Variants in TXNDC16 observed in about 807,000 individuals in gnomAD.
The protein encoded by TXNDC16 is thioredoxin domain-containing protein 16.
TXNDC16 carries 74 observed loss-of-function variants against 85.6 expected under a neutral mutation model. That is an observed-to-expected ratio of 0.86 (90% CI 0.72 to 1.05). TXNDC16 has a LOEUF of 1.05. TXNDC16 is among the 50% of genes least tolerant of loss of function. The pLI is 0.00. For synonymous variants in TXNDC16, 335 were observed against 326.5 expected, an observed-to-expected ratio of 1.03 and a Z score of -0.28; for missense variants, 959 against 947.0, an observed-to-expected ratio of 1.01 and a Z score of -0.17.
chr14:52,531,112 AAAC>A (rs1218192322), intron 6 of TXNDC16, among the ~76,000 whole-genome samples: 1 of 152,144 alleles, frequency 6.6e-6, no homozygotes, highest in Non-Finnish European at 1.5e-5. Context: ...ATGCAAATTA[AAAC>A]AACAAAGAGA....
At chr14:52,513,173 T>C (rs78014025) in intron 8 of TXNDC16, among the ~76,000 whole-genome samples, 1 of 152,160 alleles carries the variant, frequency 6.6e-6, no homozygotes, top group Non-Finnish European at 1.5e-5. Context: ...TCTTAACAAA[T>C]AATTTCAAAC....
At chr14:52,546,280 AAAAC>A (rs575599783) in intron 1 of TXNDC16, among the ~76,000 whole-genome samples, 148 of 152,292 alleles carry the variant, frequency 9.7e-4, no homozygotes, top group East Asian at 9.6e-4. Context: ...GCCTAAAAAC[AAAAC>A]AAACAAACAA....
chr14:52,539,293 A>G (rs1174346902), intron 4 of TXNDC16, among the ~76,000 whole-genome samples: 1 of 152,256 alleles, frequency 6.6e-6, no homozygotes, highest in East Asian at 1.9e-4. Flanking sequence ...GCAGTAATGC[A>G]TAAAAGTATA....
chr14:52,468,255 T>C (rs2035821747), intron 16 of TXNDC16, among the ~76,000 whole-genome samples: 1 of 152,166 alleles, frequency 6.6e-6, no homozygotes, highest in Admixed American at 6.5e-5. Context: ...GTTATGTGTA[T>C]GTTATCAAAA....
At chr14:52,460,520 T>C (rs2035628493) in intron 16 of TXNDC16, among the ~76,000 whole-genome samples, 1 of 152,220 alleles carries the variant, frequency 6.6e-6, no homozygotes, top group South Asian at 2.1e-4. Context: ...CTGTTCATTA[T>C]CTCTCTTTTG....
intron 16 of TXNDC16, among the ~76,000 whole-genome samples, chr14:52,459,191 T>G (rs1340512167): frequency 6.6e-6 from 1 of 152,178 alleles, no homozygotes; most frequent in Non-Finnish European, 1.5e-5. Flanking sequence ...TATTGAATAA[T>G]TATTTTTATA....
intron 14 of TXNDC16, among the ~76,000 whole-genome samples, chr14:52,473,273 G>A (rs999764733): frequency 1.3e-5 from 2 of 151,996 alleles, no homozygotes; most frequent in Non-Finnish European, 2.9e-5. Context: ...CCTGGTGCGC[G>A]ACAACGAACC....
Position 52,432,035 on chromosome 14 carries a change from G to A in TXNDC16, c.*269C>T. ...CATTTAGAAGACTTGGTACAAAAAA[G>A]GATGTAAAATATCTCATTAATAATT... On this transcript the variant is annotated 3_prime_UTR_variant, in exon 21 of 21. Coordinates refer to ENST00000281741, the MANE Select transcript of TXNDC16 (RefSeq NM_020784.3). The A allele has an allele frequency of 3.4e-6, 1 of 290,472 alleles. No individual in the cohort carries two copies. The allele number at this position is 290,472 out of a possible 1,614,324, so 18.0% of individuals were successfully genotyped here. A position where few individuals can be genotyped will look rare whatever the true frequency, so the allele number is the denominator to read the frequency against.
chr14:52,521,267 C>T lies in TXNDC16; in HGVS notation c.393-1974G>A, dbSNP rs902873364. 8.7e-5 allele frequency among the ~76,000 whole-genome samples: 13 copies of T among 148,774 alleles called. 1 individual carries two copies. The highest frequency in any genetic ancestry group is 3.0e-4 in the African/African-American group (12 of 40,094). Reference sequence around the variant, plus strand: ...GGCTGGGACTACAGGCGTGCACCCCCACGCCTGGCTATTTTTTTTTTTTTT... The same window carrying T: ...GGCTGGGACTACAGGCGTGCACCCCTACGCCTGGCTATTTTTTTTTTTTTT... On this transcript the variant is annotated intron_variant, in intron 6 of 20. Transcript: ENST00000281741.
At chr14:52,493,014 C>T (rs907114356) in intron 9 of TXNDC16, among the ~76,000 whole-genome samples, 3 of 151,880 alleles carry the variant, frequency 2.0e-5, no homozygotes, top group Admixed American at 6.6e-5. Context: ...CGATGGCTCA[C>T]GCCTATAATC....
At chr14:52,436,450 TG>T (rs1376862698) in intron 20 of TXNDC16, among the ~76,000 whole-genome samples, 2 of 152,088 alleles carry the variant, frequency 1.3e-5, no homozygotes, top group African/African-American at 2.4e-5. Flanking sequence ...CTAATGGGTA[TG>T]GGGTTTCTTT....
At chr14:52,485,918 C>T (rs753116453) in intron 12 of TXNDC16, among the ~76,000 whole-genome samples, 3 of 152,150 alleles carry the variant, frequency 2.0e-5, no homozygotes, top group Non-Finnish European at 4.4e-5. Context: ...ACTACAACCT[C>T]AGCCATTTTC....
rs112520702 is a variant in TXNDC16 at position 52,501,502 on chromosome 14, C to T, written c.756+9738G>A. Among the ~76,000 whole-genome samples, 520 of 152,298 alleles carry T rather than the reference C, an allele frequency of 3.4e-3. 4 individuals carry two copies. Among genetic ancestry groups the T allele is most frequent in the African/African-American group, 0.012 (503 of 41,564 alleles). On this transcript the variant is annotated intron_variant, in intron 9 of 20. Transcript: ENST00000281741. Reference sequence around the variant, plus strand: ...TTTGCAAAGCATCTTACCAAACACACAAAACCCAACCATGATTAAACCCCA... The same window carrying T: ...TTTGCAAAGCATCTTACCAAACACATAAAACCCAACCATGATTAAACCCCA...
intron 18 of TXNDC16, among the ~76,000 whole-genome samples, chr14:52,452,568 A>G (rs1008542357): frequency 6.6e-6 from 1 of 152,226 alleles, no homozygotes; most frequent in Non-Finnish European, 1.5e-5. Context: ...AGGTTCCAAG[A>G]ACATACATTG....
chr14:52,491,674 T>G (rs1343296931), intron 9 of TXNDC16, among the ~76,000 whole-genome samples: 1 of 152,136 alleles, frequency 6.6e-6, no homozygotes, highest in Non-Finnish European at 1.5e-5. Flanking sequence ...ACTTTTTCAT[T>G]AAGAATTTAA....
intron 17 of TXNDC16, among the ~76,000 whole-genome samples, chr14:52,456,162 A>C (rs1431147776): frequency 6.6e-6 from 1 of 152,242 alleles, no homozygotes; most frequent in Non-Finnish European, 1.5e-5. Context: ...GCCAGAACAA[A>C]GTATAGACAT....
At chr14:52,524,774 G>A (rs555318475) in intron 6 of TXNDC16, among the ~76,000 whole-genome samples, 70 of 152,052 alleles carry the variant, frequency 4.6e-4, no homozygotes, top group African/African-American at 1.6e-3. Context: ...GGATTACAGT[G>A]TGCGCCACCT....
chr14:52,519,644 CTTT>C (rs2037165064), intron 6 of TXNDC16, among the ~76,000 whole-genome samples: 2 of 152,230 alleles, frequency 1.3e-5, no homozygotes, highest in South Asian at 4.1e-4. Context: ...CAGCAGGCTT[CTTT>C]GCATGGCCTA....
rs1491353597 is a variant in TXNDC16, at chr14:52,480,980, T to TACAC, written c.1312+1249_1312+1250insGTGT. ...GTGTGTGTATATATATATATGTATA[T>TACAC]ATATATATATATATATATATAATGG... On this transcript the variant is annotated intron_variant, in intron 14 of 20. Coordinates refer to ENST00000281741, the MANE Select transcript of TXNDC16 (RefSeq NM_020784.3). Among the ~76,000 whole-genome samples the TACAC allele has an allele frequency of 7.3e-3, 468 of 63,836 alleles. 2 individuals carry two copies. The highest frequency in any genetic ancestry group is 0.032 in the African/African-American group (455 of 14,134). 41.9% of individuals were successfully genotyped at this position (63,836 alleles called of 152,430 possible).
Sources: allele counts gnomAD v4.1 joint callset (sites outside exome capture counted in the v4.1 genomes callset), GRCh38; gene constraint gnomAD v4.1.1; transcripts MANE v1.5; gene names NCBI Gene and HGNC (gene_info 2026-07-23, HGNC 2026-07-21).